FBXL7: variants seen among roughly 807,000 people sequenced by gnomAD.
FBXL7 encodes the protein F-box/LRR-repeat protein 7.
FBXL7 carries 12 observed loss-of-function variants against 38.3 expected under a neutral mutation model. That is an observed-to-expected ratio of 0.31 (90% CI 0.20 to 0.51). FBXL7 has a LOEUF of 0.51. FBXL7 is among the 20% of genes least tolerant of loss of function. FBXL7 has a pLI of 0.98. For synonymous variants in FBXL7, 297 were observed against 300.9 expected, an observed-to-expected ratio of 0.99 and a Z score of 0.13; for missense variants, 567 against 676.4, an observed-to-expected ratio of 0.84 and a Z score of 1.79.
chr5:15,800,487 T>C (rs533676149), intron 2 of FBXL7, among the ~76,000 whole-genome samples: 19 of 152,264 alleles, frequency 1.2e-4, no homozygotes, highest in African/African-American at 4.3e-4. Context: ...ACAAACCAAC[T>C]CTTCTCAAAA....
chr5:15,694,849 T>C (rs1743285855), intron 2 of FBXL7, among the ~76,000 whole-genome samples: 1 of 152,172 alleles, frequency 6.6e-6, no homozygotes, highest in African/African-American at 2.4e-5. Context: ...CAACCATAAA[T>C]GGTAAAACTA....
At chr5:15,755,917 A>G (rs1394119007) in intron 2 of FBXL7, among the ~76,000 whole-genome samples, 1 of 152,226 alleles carries the variant, frequency 6.6e-6, no homozygotes, top group Non-Finnish European at 1.5e-5. Flanking sequence ...CCAGTTCTCC[A>G]TAGCAGTGGA....
In FBXL7 at chr5:15,557,903, T is replaced by C. The variant is rs573295267; in HGVS notation, c.37+57190T>C. On this transcript the variant is annotated intron_variant, in intron 1 of 3. Transcript: ENST00000504595. The stretch of plus-strand genomic sequence containing the variant: ...ATAGATTATCATAAAAATCTTAATG[T>C]GACACAAATTGTGTGATTTCACTTA... Among the ~76,000 whole-genome samples the C allele has an allele frequency of 2.2e-3, 334 of 152,336 alleles. 5 individuals carry two copies. Among genetic ancestry groups the C allele is most frequent in the African/African-American group, 7.7e-3 (321 of 41,576 alleles).
chr5:15,784,874 G>A (rs536037214), intron 2 of FBXL7, among the ~76,000 whole-genome samples: 23 of 152,204 alleles, frequency 1.5e-4, no homozygotes, highest in African/African-American at 5.3e-4. Context: ...TAACAACCTA[G>A]CACACACACG....
At position 15,743,708 on chromosome 5, in the gene FBXL7, T is replaced by C. The variant is rs143464623; in HGVS notation, c.127+127636T>C. ...ATTTTGTTGGTGGTCCAATCCCACA[T>C]TTCCCTTCTGCACTGCCCTAGCAGT... On this transcript the variant is annotated intron_variant, in intron 2 of 3. Coordinates refer to ENST00000504595, the MANE Select transcript of FBXL7 (RefSeq NM_012304.5). Among the ~76,000 whole-genome samples the C allele has an allele frequency of 6.5e-3, 994 of 152,370 alleles. 9 individuals are homozygous for C. The highest frequency in any genetic ancestry group is 0.023 in the African/African-American group (948 of 41,590).
chr5:15,648,569 C>T (rs1011541162), intron 2 of FBXL7, among the ~76,000 whole-genome samples: 2 of 152,226 alleles, frequency 1.3e-5, no homozygotes, highest in African/African-American at 4.8e-5. Flanking sequence ...TCAATATTCA[C>T]AGTGCCAAGC....
intron 2 of FBXL7, among the ~76,000 whole-genome samples, chr5:15,838,634 A>G (rs550685781): frequency 3.3e-5 from 5 of 152,216 alleles, no homozygotes; most frequent in Non-Finnish European, 5.9e-5. Context: ...ATATCAATGC[A>G]TATTTCAGCT....
At chr5:15,892,987 G>A (rs777931442) in intron 2 of FBXL7, among the ~76,000 whole-genome samples, 7 of 151,818 alleles carry the variant, frequency 4.6e-5, no homozygotes, top group Non-Finnish European at 1.0e-4. Context: ...GTGGTGGTGG[G>A]CACCTGTAGT....
chr5:15,798,901 A>G (rs1349719709), intron 2 of FBXL7, among the ~76,000 whole-genome samples: 3 of 152,210 alleles, frequency 2.0e-5, no homozygotes, highest in Non-Finnish European at 4.4e-5. Context: ...CTGTTTGCAA[A>G]TGAGGATTCT....
At chr5:15,865,255 C>T (rs947465251) in intron 2 of FBXL7, among the ~76,000 whole-genome samples, 6 of 152,070 alleles carry the variant, frequency 3.9e-5, no homozygotes, top group African/African-American at 9.7e-5. Flanking sequence ...CTAAATGCTA[C>T]GAGCTGAAGG....
chr5:15,867,117 A>C (rs1007120130), intron 2 of FBXL7, among the ~76,000 whole-genome samples: 1 of 152,166 alleles, frequency 6.6e-6, no homozygotes, highest in Non-Finnish European at 1.5e-5. Context: ...ATTCAAATCC[A>C]TATCCTTTAG....
chr5:15,895,633 CTTTTTTTTTTTTTTTTTT>C (rs903652361), intron 2 of FBXL7, among the ~76,000 whole-genome samples: 2 of 98,060 alleles, frequency 2.0e-5, no homozygotes, highest in African/African-American at 8.5e-5. Context: ...CTTTTTCATA[CTTTTTTTTTTTTTTTTTT>C]TTTTTTTTGA....
chr5:15,561,799 A>C (rs1241745752), intron 1 of FBXL7, among the ~76,000 whole-genome samples: 2 of 152,150 alleles, frequency 1.3e-5, no homozygotes, highest in Non-Finnish European at 2.9e-5. Context: ...CATTTGACTG[A>C]TCACAAAAAA....
At chr5:15,709,390 C>T (rs1339722509) in intron 2 of FBXL7, among the ~76,000 whole-genome samples, 8 of 151,824 alleles carry the variant, frequency 5.3e-5, no homozygotes, top group East Asian at 1.9e-4. Context: ...AAAAATTAGC[C>T]GGGTGTGGTT....
At chr5:15,591,755 G>C (rs1739482756) in intron 1 of FBXL7, among the ~76,000 whole-genome samples, 1 of 152,018 alleles carries the variant, frequency 6.6e-6, no homozygotes, top group South Asian at 2.1e-4. Flanking sequence ...TCTGTCACCA[G>C]GCTGGAGTGC....
intron 1 of FBXL7, among the ~76,000 whole-genome samples, chr5:15,609,676 C>T (rs2126507668): frequency 6.6e-6 from 1 of 152,294 alleles, no homozygotes; most frequent in African/African-American, 2.4e-5. Flanking sequence ...GTGGTCATGT[C>T]AGTGTCACCA....
intron 2 of FBXL7, among the ~76,000 whole-genome samples, chr5:15,737,654 C>T (rs144593926): frequency 6.4e-4 from 98 of 152,252 alleles, no homozygotes; most frequent in African/African-American, 2.1e-3. Flanking sequence ...AAATACCCTG[C>T]GCTTCATGGT....
At chr5:15,860,092 T>C (rs1233091843) in intron 2 of FBXL7, among the ~76,000 whole-genome samples, 2 of 152,188 alleles carry the variant, frequency 1.3e-5, no homozygotes, top group African/African-American at 4.8e-5. Flanking sequence ...AATATTTATA[T>C]CTAGAACTAT....
At chr5:15,526,615 C>T (rs1737258010) in intron 1 of FBXL7, among the ~76,000 whole-genome samples, 1 of 152,150 alleles carries the variant, frequency 6.6e-6, no homozygotes, top group African/African-American at 2.4e-5. Flanking sequence ...ATGGCAAGTG[C>T]TTGCTGTTCC....
Sources: allele counts gnomAD v4.1 joint callset (sites outside exome capture counted in the v4.1 genomes callset), GRCh38; gene constraint gnomAD v4.1.1; transcripts MANE v1.5; gene names NCBI Gene and HGNC (gene_info 2026-07-23, HGNC 2026-07-21).